Variants in NOS1 observed in about 807,000 individuals in gnomAD.
NOS1 encodes nitric oxide synthase 1, also known as NOS type I.
In NOS1, 51 loss-of-function variants were observed where a neutral mutation model predicts 164.5. The ratio of observed to expected loss-of-function variants is 0.31; its 90% CI spans 0.25 to 0.39. The LOEUF (loss-of-function observed/expected upper bound fraction) is 0.39. NOS1 is among the 10% of genes least tolerant of loss of function. The probability of loss-of-function intolerance (pLI) is 1.00; values close to 1 mark genes in which losing one functional copy is unlikely to be tolerated. For missense variants in NOS1, 1,362 were observed against 1,885.6 expected (o/e 0.72, Z 5.14); for synonymous variants, 719 against 745.8 (o/e 0.96, Z 0.59).
intron 3 of NOS1, among the ~76,000 whole-genome samples, chr12:117,297,071 C>T (rs1308225871): frequency 6.6e-6 from 1 of 152,228 alleles, no homozygotes; most frequent in Non-Finnish European, 1.5e-5. Flanking sequence ...TAAAAAGTTT[C>T]AACACTGTAG....
intron 1 of NOS1, among the ~76,000 whole-genome samples, chr12:117,346,931 G>A (rs1876380604): frequency 6.6e-6 from 1 of 152,168 alleles, no homozygotes; most frequent in Non-Finnish European, 1.5e-5. Context: ...GTATACAAAT[G>A]AATTGCGTTT....
chr12:117,302,328 C>T (rs1873868396), intron 3 of NOS1, among the ~76,000 whole-genome samples: 1 of 152,178 alleles, frequency 6.6e-6, no homozygotes, highest in South Asian at 2.1e-4. Flanking sequence ...GGCGCGGTGG[C>T]TCACGCCTGT....
chr12:117,286,022 A>T, intron 6 of NOS1, 82 bp downstream of exon 6: 2 of 1,504,722 alleles, frequency 1.3e-6, no homozygotes, highest in Admixed American at 1.8e-5. Flanking sequence ...GTAGAAGCTT[A>T]TCCTTTTTAA....
At chr12:117,345,832 C>G (rs1876324583) in intron 1 of NOS1, among the ~76,000 whole-genome samples, 1 of 152,144 alleles carries the variant, frequency 6.6e-6, no homozygotes, top group Non-Finnish European at 1.5e-5. Context: ...GGACTCTAGC[C>G]TGGGTGAAAA....
At chr12:117,290,506 C>T in intron 3 of NOS1, 80 bp from the exon 4 acceptor site, 1 of 1,491,604 alleles carries the variant, frequency 6.7e-7, no homozygotes, top group Non-Finnish European at 9.0e-7. Context: ...GCTGGGAGAG[C>T]CATTGTTCTT....
In NOS1 at chr12:117,290,065, G is replaced by T. The variant is rs1872947008; in HGVS notation, c.981+233C>A. ...ATACATGAAGTTAGAAAGGGAGCTGGAACTTAAAATGGCAGTGTTTGCCCA... is the reference window on the plus strand; with the variant it reads ...ATACATGAAGTTAGAAAGGGAGCTGTAACTTAAAATGGCAGTGTTTGCCCA... On this transcript the variant is annotated intron_variant, in intron 4 of 28. Coordinates refer to ENST00000317775, the MANE Select transcript of NOS1 (RefSeq NM_000620.5). Among the ~76,000 whole-genome samples, 3 of 152,192 alleles carry T rather than the reference G, an allele frequency of 2.0e-5. No homozygotes were observed. The South Asian group carries it at 6.2e-4, about 32-fold the overall frequency.
At chr12:117,302,545 A>C (rs1873889745) in intron 3 of NOS1, among the ~76,000 whole-genome samples, 1 of 143,804 alleles carries the variant, frequency 7.0e-6, no homozygotes, top group Non-Finnish European at 1.5e-5. Context: ...CAGTGAGCCG[A>C]GATCGGGCCA....
chr12:117,258,625 C>T (rs145229662), intron 15 of NOS1, among the ~76,000 whole-genome samples, 170 bp from the exon 16 acceptor site: 3 of 152,254 alleles, frequency 2.0e-5, no homozygotes, highest in East Asian at 1.9e-4. Flanking sequence ...GGGCTACAGA[C>T]GCAGTGGATA....
intron 20 of NOS1, among the ~76,000 whole-genome samples, chr12:117,239,941 T>C (rs1046946170): frequency 6.6e-6 from 1 of 151,868 alleles, no homozygotes; most frequent in African/African-American, 2.4e-5. Context: ...ACCCGTAGCT[T>C]AGAGTCAGGT....
intron 1 of NOS1, among the ~76,000 whole-genome samples, chr12:117,346,315 A>G (rs1876346743): frequency 6.6e-6 from 1 of 152,170 alleles, no homozygotes; most frequent in Admixed American, 6.5e-5. Flanking sequence ...TACTAAAAAT[A>G]CAAAAATTAG....
At chr12:117,252,774 T>C (rs185912434) in intron 17 of NOS1, among the ~76,000 whole-genome samples, 91 of 152,324 alleles carry the variant, frequency 6.0e-4, no homozygotes, top group African/African-American at 2.0e-3. Context: ...GATATTTCAA[T>C]AGCTAGCAAA....
Position 117,209,167 on chromosome 12 carries a change from A to C in NOS1, c.*6142T>G. On this transcript the variant is annotated 3_prime_UTR_variant, in exon 29 of 29. Coordinates refer to ENST00000317775, the MANE Select transcript of NOS1 (RefSeq NM_000620.5). Reference sequence around the variant, plus strand: ...GTGCTCCAGGAAATCTATAATGAGAAGTCCTGGGGTAGCCAGCAGAGATTC... The same window carrying C: ...GTGCTCCAGGAAATCTATAATGAGACGTCCTGGGGTAGCCAGCAGAGATTC... 1.0e-6 allele frequency: 1 copy of C among 985,426 alleles called. No individual in the cohort carries two copies. Among genetic ancestry groups the C allele is most frequent in the Non-Finnish European group, 1.2e-6 (1 of 829,952 alleles). The allele number at this position is 985,426 out of a possible 1,614,324, so 61.0% of individuals were successfully genotyped here. A position where few individuals can be genotyped will look rare whatever the true frequency, so the allele number is the denominator to read the frequency against.
Position 117,212,678 on chromosome 12 carries a change from A to G in NOS1, c.*2631T>C. The G allele has an allele frequency of 4.1e-6, 4 of 985,442 alleles. No homozygotes were observed. The highest frequency in any genetic ancestry group is 4.8e-6 in the Non-Finnish European group (4 of 829,940). The allele number at this position is 985,442 out of a possible 1,614,324, so 61.0% of individuals were successfully genotyped here. ...GCCATAACCCGAATAACCCCCAAAT[A>G]TCTTGTCAACCCTATTTTGCTTACC... On this transcript the variant is annotated 3_prime_UTR_variant, in exon 29 of 29. Coordinates refer to ENST00000317775, the MANE Select transcript of NOS1 (RefSeq NM_000620.5).
At position 117,212,865 on chromosome 12, in the gene NOS1, T is replaced by G; in HGVS notation, c.*2444A>C. ...TCAACAGAGAGAGAGGCTTTTGGTA[T>G]CAGGAATTCTGGCAAATGAAAGAAA... is the stretch of plus-strand genomic sequence containing the variant. On this transcript the variant is annotated 3_prime_UTR_variant, in exon 29 of 29. Transcript: ENST00000317775. 2 of 985,410 alleles carry G rather than the reference T, an allele frequency of 2.0e-6. No homozygotes were observed. Among genetic ancestry groups the G allele is most frequent in the Non-Finnish European group, 2.4e-6 (2 of 829,946 alleles). The allele number at this position is 985,410 out of a possible 1,614,324, so 61.0% of individuals were successfully genotyped here.
At chr12:117,334,961 T>G (rs2136078773) in intron 1 of NOS1, among the ~76,000 whole-genome samples, 1 of 152,298 alleles carries the variant, frequency 6.6e-6, no homozygotes, top group Non-Finnish European at 1.5e-5. Context: ...CCTGGCTCTA[T>G]CCGGGTGTTT....
chr12:117,277,832 C>T (rs1873308071), intron 9 of NOS1, 127 bp downstream of exon 9: 3 of 1,181,120 alleles, frequency 2.5e-6, no homozygotes, highest in East Asian at 2.4e-5. Context: ...GGACAGGAAC[C>T]AAGCCCCCCT....
chr12:117,258,225 A>C (rs780639644), intron 16 of NOS1, among the ~76,000 whole-genome samples, 172 bp downstream of exon 16: 1 of 152,218 alleles, frequency 6.6e-6, no homozygotes, highest in Non-Finnish European at 1.5e-5. Flanking sequence ...TGACCCAGAT[A>C]CCAAAATATT....
chr12:117,218,013 C>T (rs766928214), intron 28 of NOS1, 33 bp downstream of exon 28: 4 of 1,485,192 alleles, frequency 2.7e-6, no homozygotes, highest in Non-Finnish European at 3.8e-6. Flanking sequence ...GAGGGCTCTT[C>T]CTGCCCCTCA....
At chr12:117,257,555 G>A (rs1175673863) in intron 16 of NOS1, among the ~76,000 whole-genome samples, 1 of 150,526 alleles carries the variant, frequency 6.6e-6, no homozygotes, top group Non-Finnish European at 1.5e-5. Context: ...ACTTCACTGT[G>A]AGCATCAGAC....
Sources: allele counts gnomAD v4.1 joint callset (sites outside exome capture counted in the v4.1 genomes callset), GRCh38; gene constraint gnomAD v4.1.1; transcripts MANE v1.5; gene names NCBI Gene and HGNC (gene_info 2026-07-23, HGNC 2026-07-21).